PRCP: variants seen among roughly 807,000 people sequenced by gnomAD.
PRCP encodes prolylcarboxypeptidase.
In PRCP, 46 loss-of-function variants were observed where a neutral mutation model predicts 54.2. The observed-to-expected ratio is 0.85, with a 90% CI of 0.67 to 1.09. PRCP has a LOEUF of 1.09. PRCP is among the 50% of genes least tolerant of loss of function. The pLI is 0.00. For synonymous variants in PRCP, 240 were observed against 212.2 expected (o/e 1.13, Z -1.14); for missense variants, 613 against 596.8 (o/e 1.03, Z -0.28).
intron 2 of PRCP, among the ~76,000 whole-genome samples, chr11:82,854,494 G>T (rs1176285210): frequency 6.6e-6 from 1 of 152,032 alleles, no homozygotes; most frequent in Non-Finnish European, 1.5e-5. Context: ...ACTGCTGAAA[G>T]GCATCAGAAA....
intron 1 of PRCP, among the ~76,000 whole-genome samples, chr11:82,888,526 G>A (rs1859921269): frequency 6.6e-6 from 1 of 152,200 alleles, no homozygotes; most frequent in Non-Finnish European, 1.5e-5. Context: ...CCTGTAAGGA[G>A]ACATTCCTCT....
chr11:82,862,462 CAT>C (rs1565227460), intron 1 of PRCP, among the ~76,000 whole-genome samples: 1 of 152,182 alleles, frequency 6.6e-6, no homozygotes, highest in Non-Finnish European at 1.5e-5. Context: ...CTGGGTCAGA[CAT>C]AGGCTGTTCC....
intron 1 of PRCP, among the ~76,000 whole-genome samples, chr11:82,889,530 T>G (rs1811918777): frequency 6.6e-6 from 1 of 150,938 alleles, no homozygotes; most frequent in Non-Finnish European, 1.5e-5. Flanking sequence ...CAGAGGAAGC[T>G]GCAGAAGCAG....
intron 5 of PRCP, 127 bp from the exon 6 acceptor site, chr11:82,849,345 T>C: frequency 9.6e-7 from 1 of 1,044,980 alleles, no homozygotes; most frequent in Non-Finnish European, 1.3e-6. Context: ...CAGGATATTT[T>C]CAGAGCAACT....
At chr11:82,872,581 A>C (rs1859505099) in intron 1 of PRCP, among the ~76,000 whole-genome samples, 1 of 152,172 alleles carries the variant, frequency 6.6e-6, no homozygotes, top group African/African-American at 2.4e-5. Flanking sequence ...TTCCAGCAAA[A>C]GAACGCCAAG....
At chr11:82,896,185 G>A (rs753744968) in intron 1 of PRCP, among the ~76,000 whole-genome samples, 12 of 152,096 alleles carry the variant, frequency 7.9e-5, no homozygotes, top group Non-Finnish European at 1.5e-4. Context: ...CATTTGTTAC[G>A]ACACTGAACT....
In PRCP at chr11:82,825,139, G is replaced by T. The variant is rs1159285434; in HGVS notation, c.1275-17C>A. On this transcript the variant is annotated splice_polypyrimidine_tract_variant and intron_variant, in intron 8 of 8. Transcript: ENST00000313010. ...TCACCATTGCTGCAAGTGAAAAAAAGAAGAAAAAATAAAGTTGTTAGTTTT... is the reference window on the plus strand; with the variant it reads ...TCACCATTGCTGCAAGTGAAAAAAATAAGAAAAAATAAAGTTGTTAGTTTT... The T allele has an allele frequency of 1.3e-6, 2 of 1,596,684 alleles. No homozygotes were observed. Among genetic ancestry groups the T allele is most frequent in the African/African-American group, 1.3e-5 (1 of 74,276 alleles).
chr11:82,839,833 C>A, intron 6 of PRCP: 1 of 195,662 alleles, frequency 5.1e-6, no homozygotes, highest in Non-Finnish European at 1.0e-5. Flanking sequence ...TTTTACAACA[C>A]TCAACTCAAA....
intron 1 of PRCP, among the ~76,000 whole-genome samples, 165 bp from the exon 2 acceptor site, chr11:82,860,282 T>C (rs1294086591): frequency 1.3e-5 from 2 of 151,986 alleles, no homozygotes; most frequent in Admixed American, 1.3e-4. Context: ...GATATTATTA[T>C]TTTGAAATCA....
chr11:82,867,360 G>A (rs1365840958), intron 1 of PRCP, among the ~76,000 whole-genome samples: 1 of 152,144 alleles, frequency 6.6e-6, no homozygotes, highest in Non-Finnish European at 1.5e-5. Flanking sequence ...TCAAAATGCT[G>A]TGAAACCAAA....
intron 6 of PRCP, among the ~76,000 whole-genome samples, chr11:82,848,492 G>C (rs921799826): frequency 6.6e-6 from 1 of 152,174 alleles, no homozygotes; most frequent in African/African-American, 2.4e-5. Flanking sequence ...CACACAGTTG[G>C]TAAGTGAAGC....
intron 1 of PRCP, among the ~76,000 whole-genome samples, chr11:82,895,336 G>GT (rs1402804478): frequency 6.6e-6 from 1 of 152,052 alleles, no homozygotes; most frequent in Non-Finnish European, 1.5e-5. Flanking sequence ...TGTTGTAGTT[G>GT]TTTTTTGTTT....
intron 3 of PRCP, 28 bp downstream of exon 3, chr11:82,853,149 G>A: frequency 6.6e-7 from 1 of 1,511,376 alleles, no homozygotes; most frequent in Middle Eastern, 1.8e-4. Flanking sequence ...GAAAAAGCTT[G>A]TAACTTTTAA....
intron 1 of PRCP, among the ~76,000 whole-genome samples, chr11:82,875,300 G>A (rs1298946088): frequency 6.6e-6 from 1 of 152,202 alleles, no homozygotes; most frequent in Non-Finnish European, 1.5e-5. Flanking sequence ...TGAACTGGAA[G>A]AACTGAGAAG....
intron 1 of PRCP, among the ~76,000 whole-genome samples, chr11:82,868,825 C>A (rs1381234661): frequency 6.6e-6 from 1 of 151,902 alleles, no homozygotes; most frequent in Non-Finnish European, 1.5e-5. Flanking sequence ...AAATTGAGGC[C>A]AGGAGTTCGA....
Position 82,859,988 on chromosome 11 carries a change from A to C in PRCP, c.298T>G (p.Cys100Gly). 7.6e-6 allele frequency: 12 copies of C among 1,582,356 alleles called. No individual in the cohort carries two copies. Among genetic ancestry groups the C allele is most frequent in the Non-Finnish European group, 1.0e-5 (12 of 1,167,456 alleles). The stretch of plus-strand genomic sequence containing the variant: ...GAATCTGCACATACCGTGTTATTAC[A>C]AAACCAGATAATGTCCCCTTCATTA... ...TGNEGDIIWF[C>G]NNTGFMWDVA... The change falls in exon 2 of 9, where the codon TGT becomes GGT. Residue 100 changes from cysteine (C) to glycine (G), a missense_variant. Physicochemically the swap from Cys to Gly is radical, Grantham distance 159 (BLOSUM62 -3). Transcript: ENST00000313010.
intron 2 of PRCP, 23 bp downstream of exon 2, chr11:82,859,954 G>T: frequency 6.5e-7 from 1 of 1,533,260 alleles, no homozygotes; most frequent in South Asian, 1.3e-5. Flanking sequence ...TTGAGCACTG[G>T]AATTTCATGA....
At chr11:82,864,118 C>T (rs1591057785) in intron 1 of PRCP, among the ~76,000 whole-genome samples, 1 of 152,230 alleles carries the variant, frequency 6.6e-6, no homozygotes, top group South Asian at 2.1e-4. Flanking sequence ...CCCATTTGCA[C>T]ACCAATCCTA....
At chr11:82,862,302 A>G (rs1859224816) in intron 1 of PRCP, among the ~76,000 whole-genome samples, 1 of 152,198 alleles carries the variant, frequency 6.6e-6, no homozygotes, top group Admixed American at 6.5e-5. Context: ...AAATGTAATT[A>G]TCAAATACTA....
Sources: allele counts gnomAD v4.1 joint callset (sites outside exome capture counted in the v4.1 genomes callset), GRCh38; gene constraint gnomAD v4.1.1; transcripts MANE v1.5; gene names NCBI Gene and HGNC (gene_info 2026-07-23, HGNC 2026-07-21).